CHSY3: variants seen among roughly 807,000 people sequenced by gnomAD.
CHSY3 encodes N-acetylgalactosaminyl-proteoglycan 3-beta-glucuronosyltransferase 3.
A neutral mutation model predicts 67.2 loss-of-function variants in CHSY3; 35 were observed. That is an observed-to-expected ratio of 0.52 (90% CI 0.40 to 0.69). CHSY3 has a LOEUF of 0.69. Ranked by LOEUF, CHSY3 falls within the 30% of genes least tolerant of loss-of-function variation. The pLI is 0.00. For synonymous variants in CHSY3, 474 were observed against 434.7 expected, an observed-to-expected ratio of 1.09 and a Z score of -1.12; for missense variants, 1,069 against 1,138.5, an observed-to-expected ratio of 0.94 and a Z score of 0.88.
In CHSY3 at chr5:130,172,744, G is replaced by A. The variant is rs534245709; in HGVS notation, c.1087-11485G>A. Among the ~76,000 whole-genome samples the A allele has an allele frequency of 7.9e-5, 12 of 152,264 alleles. 1 individual carries two copies. The highest frequency in any genetic ancestry group is 7.9e-4 in the Admixed American group (12 of 15,286). ...AAAACTGAAACTCCGTGCCTGAACA[G>A]CAACTCCCCATTTTCTTCTCACTCC... On this transcript the variant is annotated intron_variant, in intron 2 of 2. Transcript: ENST00000305031.
intron 2 of CHSY3, among the ~76,000 whole-genome samples, chr5:130,154,640 G>T (rs528985517): frequency 4.6e-5 from 7 of 152,304 alleles, no homozygotes; most frequent in African/African-American, 1.7e-4. Flanking sequence ...TGGTGGTTAT[G>T]TAGCACATAG....
At chr5:130,063,153 T>C (rs1182418791) in intron 2 of CHSY3, among the ~76,000 whole-genome samples, 1 of 152,180 alleles carries the variant, frequency 6.6e-6, no homozygotes, top group Non-Finnish European at 1.5e-5. Context: ...TACAGTTTTT[T>C]ATTGTATGCA....
intron 2 of CHSY3, chr5:130,141,673 G>A: frequency 5.7e-6 from 3 of 529,656 alleles, no homozygotes; most frequent in South Asian, 4.2e-5. Flanking sequence ...TATGAAAGCA[G>A]CTGTTGAAGA....
intron 2 of CHSY3, among the ~76,000 whole-genome samples, chr5:129,953,918 A>G (rs140106260): frequency 0.024 from 3,589 of 152,108 alleles, 127 homozygotes; most frequent in African/African-American, 0.079. Flanking sequence ...ATGTTCTCCC[A>G]TTCTGTAGGT....
At chr5:129,915,520 A>C (rs1760704888) in intron 2 of CHSY3, among the ~76,000 whole-genome samples, 1 of 152,206 alleles carries the variant, frequency 6.6e-6, no homozygotes, top group South Asian at 2.1e-4. Flanking sequence ...GATGAACGAA[A>C]TGCATTTATT....
At chr5:130,088,614 T>C (rs1487466677) in intron 2 of CHSY3, among the ~76,000 whole-genome samples, 2 of 151,886 alleles carry the variant, frequency 1.3e-5, no homozygotes, top group Admixed American at 1.3e-4. Flanking sequence ...AAAAAACACA[T>C]GAAAAAATGC....
intron 2 of CHSY3, among the ~76,000 whole-genome samples, chr5:130,164,144 C>T (rs1388223924): frequency 6.6e-6 from 1 of 152,178 alleles, no homozygotes; most frequent in African/African-American, 2.4e-5. Flanking sequence ...TCCTGGGCCT[C>T]TCTCTGATTT....
intron 2 of CHSY3, among the ~76,000 whole-genome samples, chr5:130,005,411 G>GA (rs1763847227): frequency 7.5e-6 from 1 of 133,358 alleles, no homozygotes; most frequent in South Asian, 2.4e-4. Flanking sequence ...GAGACTCTGT[G>GA]AAAAACAAGA....
In CHSY3 at chr5:130,184,079, A is replaced by G. The variant is rs572556095; in HGVS notation, c.1087-150A>G. 1.1e-5 allele frequency: 6 copies of G among 566,356 alleles called. No individual in the cohort carries two copies. In the African/African-American group the frequency reaches 1.2e-4, roughly 11 times the overall value. The allele number at this position is 566,356 out of a possible 1,614,324, so 35.1% of individuals were successfully genotyped here. On this transcript the variant is annotated intron_variant, in intron 2 of 2. Transcript: ENST00000305031. The stretch of plus-strand genomic sequence containing the variant: ...AATAATAAAACTATTTTAATTTTAA[A>G]TAATATAAATATTACAAACCATTTT...
At chr5:130,023,873 C>T (rs1354523277) in intron 2 of CHSY3, among the ~76,000 whole-genome samples, 3 of 151,826 alleles carry the variant, frequency 2.0e-5, no homozygotes, top group Non-Finnish European at 4.4e-5. Context: ...AAATACACAG[C>T]ATTATAGCAC....
chr5:130,126,579 G>A (rs10052848), intron 2 of CHSY3, among the ~76,000 whole-genome samples: 150,373 of 152,220 alleles, frequency 0.99, 74,263 homozygotes, highest in East Asian at 1. Context: ...AGAGAGAAAG[G>A]AAAAAGAGAG....
At chr5:130,163,203 A>G (rs1300683860) in intron 2 of CHSY3, among the ~76,000 whole-genome samples, 3 of 152,222 alleles carry the variant, frequency 2.0e-5, no homozygotes, top group African/African-American at 4.8e-5. Flanking sequence ...TAAAGCTATT[A>G]GTGAGATACA....
chr5:130,064,223 A>G (rs1765807010), intron 2 of CHSY3, among the ~76,000 whole-genome samples: 1 of 152,080 alleles, frequency 6.6e-6, no homozygotes, highest in South Asian at 2.1e-4. Context: ...CTAATATATT[A>G]TTAGTGATTA....
intron 2 of CHSY3, among the ~76,000 whole-genome samples, chr5:129,983,254 A>G (rs996247814): frequency 2.0e-5 from 3 of 152,082 alleles, no homozygotes; most frequent in Non-Finnish European, 4.4e-5. Context: ...AAATCTCTAC[A>G]CTTTCAGTGT....
intron 2 of CHSY3, among the ~76,000 whole-genome samples, chr5:130,124,540 C>G (rs1768196793): frequency 6.6e-6 from 1 of 151,738 alleles, no homozygotes; most frequent in Non-Finnish European, 1.5e-5. Context: ...ACTGCAACCT[C>G]CACCTCCTCA....
At chr5:130,003,642 TA>T (rs977966364) in intron 2 of CHSY3, among the ~76,000 whole-genome samples, 3 of 151,798 alleles carry the variant, frequency 2.0e-5, no homozygotes, top group Non-Finnish European at 2.9e-5. Context: ...TTTACTTAAT[TA>T]AAAAAAATAA....
chr5:130,139,347 A>T (rs1056690420), intron 2 of CHSY3, among the ~76,000 whole-genome samples: 1 of 152,164 alleles, frequency 6.6e-6, no homozygotes, highest in Non-Finnish European at 1.5e-5. Flanking sequence ...GCAGGTGATT[A>T]TTTTTCCCAT....
chr5:129,950,977 C>T (rs1348734616), intron 2 of CHSY3, among the ~76,000 whole-genome samples: 1 of 152,122 alleles, frequency 6.6e-6, no homozygotes, highest in African/African-American at 2.4e-5. Flanking sequence ...CACAACATTT[C>T]CTGATTTCAA....
intron 2 of CHSY3, among the ~76,000 whole-genome samples, chr5:130,125,061 G>C (rs907940673): frequency 6.6e-6 from 1 of 152,146 alleles, no homozygotes; most frequent in Non-Finnish European, 1.5e-5. Context: ...GGGGAGAATT[G>C]CTTGAGCTCG....
Sources: allele counts gnomAD v4.1 joint callset (sites outside exome capture counted in the v4.1 genomes callset), GRCh38; gene constraint gnomAD v4.1.1; transcripts MANE v1.5; gene names NCBI Gene and HGNC (gene_info 2026-07-23, HGNC 2026-07-21).